Variants in DLG2 observed in about 807,000 individuals in gnomAD.
DLG2 encodes the protein disks large homolog 2.
In DLG2, 45 loss-of-function variants were observed where a neutral mutation model predicts 132.5. That is an observed-to-expected ratio of 0.34 (90% CI 0.27 to 0.44). The LOEUF (loss-of-function observed/expected upper bound fraction) is 0.44, where lower values mean the gene tolerates loss of function less well. Among genes scored for constraint, DLG2 ranks in the 20% least tolerant of loss-of-function variants. The pLI is 1.00. For missense variants in DLG2, 1,045 were observed against 1,196.9 expected (o/e 0.87, Z 1.87); for synonymous variants, 424 against 419.6 (o/e 1.01, Z -0.13).
intron 6 of DLG2, among the ~76,000 whole-genome samples, chr11:84,691,662 T>C (rs1204022770): frequency 6.6e-6 from 1 of 151,678 alleles, no homozygotes; most frequent in African/African-American, 2.4e-5. Context: ...TTAGCTTTTT[T>C]TTTTCTGGCT....
At chr11:84,883,525 AAAAAG>A (rs1313412397) in intron 6 of DLG2, among the ~76,000 whole-genome samples, 1 of 152,090 alleles carries the variant, frequency 6.6e-6, no homozygotes, top group African/African-American at 2.4e-5. Flanking sequence ...AAGACATTAA[AAAAAG>A]AAAATTAAAA....
intron 6 of DLG2, among the ~76,000 whole-genome samples, chr11:84,607,953 C>T (rs2099588705): frequency 6.6e-6 from 1 of 152,152 alleles, no homozygotes; most frequent in African/African-American, 2.4e-5. Flanking sequence ...CAACCAGTCT[C>T]TCTGAACAGC....
chr11:84,166,970 A>G (rs185441195), intron 8 of DLG2: 1 of 533,300 alleles, frequency 1.9e-6, no homozygotes, highest in Non-Finnish European at 3.8e-6. Flanking sequence ...GTCATATTTT[A>G]TGCTACTGAT....
intron 6 of DLG2, among the ~76,000 whole-genome samples, chr11:85,002,887 T>C (rs925913121): frequency 6.6e-6 from 1 of 152,058 alleles, no homozygotes; most frequent in African/African-American, 2.4e-5. Flanking sequence ...AAGACCTTTA[T>C]GATATATTTT....
At chr11:85,578,447 A>G (rs1200851619) in intron 3 of DLG2, among the ~76,000 whole-genome samples, 1 of 152,198 alleles carries the variant, frequency 6.6e-6, no homozygotes, top group African/African-American at 2.4e-5. Context: ...CAACAGAGTG[A>G]ACAGACAACC....
intron 6 of DLG2, among the ~76,000 whole-genome samples, chr11:85,016,460 C>T (rs1337155944): frequency 6.6e-6 from 1 of 152,092 alleles, no homozygotes; most frequent in Non-Finnish European, 1.5e-5. Context: ...AAACTAATGA[C>T]TGTTCATTTG....
intron 6 of DLG2, among the ~76,000 whole-genome samples, chr11:84,970,609 C>T (rs2053974327): frequency 6.6e-6 from 1 of 152,086 alleles, no homozygotes; most frequent in African/African-American, 2.4e-5. Flanking sequence ...GTGAAACACC[C>T]CTCAAAGCCT....
chr11:85,450,678 C>G (rs1431387263), intron 3 of DLG2, among the ~76,000 whole-genome samples: 1 of 152,180 alleles, frequency 6.6e-6, no homozygotes, highest in Non-Finnish European at 1.5e-5. Flanking sequence ...CAACCCCAAT[C>G]TGGGGCTTTT....
rs1473541485 is a variant in DLG2, at chr11:84,619,417, C to T, written c.358-84686G>A. On this transcript the variant is annotated intron_variant, in intron 6 of 27. Coordinates refer to ENST00000376104, the MANE Select transcript of DLG2 (RefSeq NM_001142699.3). ...TTAATTAAAAGAAAATGGCAGAAGT[C>T]AATGTTACATCCCTCTGAAACATTT... is the stretch of plus-strand genomic sequence containing the variant. Among the ~76,000 whole-genome samples, 4 of 151,604 alleles carry T rather than the reference C, an allele frequency of 2.6e-5. No homozygotes were observed. In the East Asian group the frequency reaches 7.7e-4, roughly 29 times the overall value.
At chr11:84,202,709 A>T (rs2096612662) in intron 8 of DLG2, among the ~76,000 whole-genome samples, 1 of 152,186 alleles carries the variant, frequency 6.6e-6, no homozygotes, top group Non-Finnish European at 1.5e-5. Flanking sequence ...ATATTTTTGC[A>T]ATCTATTCAT....
At chr11:84,546,717 C>T in intron 6 of DLG2, 1 of 499,782 alleles carries the variant, frequency 2.0e-6, no homozygotes, top group South Asian at 1.7e-5. Context: ...CATTACCACA[C>T]AGTCCATGAG....
intron 18 of DLG2, among the ~76,000 whole-genome samples, chr11:83,665,075 G>C (rs139290956): frequency 8.4e-4 from 128 of 152,312 alleles, no homozygotes; most frequent in African/African-American, 3.0e-3. Flanking sequence ...AGGGAAGAAA[G>C]AAATAAATAG....
chr11:83,966,257 G>C (rs2090166182), intron 12 of DLG2, among the ~76,000 whole-genome samples: 1 of 151,956 alleles, frequency 6.6e-6, no homozygotes, highest in African/African-American at 2.4e-5. Flanking sequence ...CATTATATGA[G>C]AGCCCTCATT....
intron 6 of DLG2, among the ~76,000 whole-genome samples, chr11:85,099,848 C>T (rs527309491): frequency 7.9e-4 from 120 of 152,270 alleles, no homozygotes; most frequent in African/African-American, 2.8e-3. Context: ...AAGACATTCA[C>T]CTACTTTGTA....
chr11:84,906,381 A>AACACACACACACACAC lies in DLG2; in HGVS notation c.357+205264_357+205279dup, dbSNP rs35833007. ...GTTGTCCATTACCCACAGCAAGGCT[A>AACACACACACACACAC]ACACACACACACACACACACACACA... On this transcript the variant is annotated intron_variant, in intron 6 of 27. Coordinates refer to ENST00000376104, the MANE Select transcript of DLG2 (RefSeq NM_001142699.3). Among the ~76,000 whole-genome samples, 498 of 144,202 alleles carry AACACACACACACACAC rather than the reference A, an allele frequency of 3.5e-3. 2 individuals are homozygous for AACACACACACACACAC. Among genetic ancestry groups the AACACACACACACACAC allele is most frequent in the Middle Eastern group, 0.021 (6 of 280 alleles). 94.6% of individuals were successfully genotyped at this position (144,202 alleles called of 152,430 possible). A position where few individuals can be genotyped will look rare whatever the true frequency, so the allele number is the denominator to read the frequency against.
chr11:85,245,325 C>G (rs923121482), intron 4 of DLG2, among the ~76,000 whole-genome samples: 1 of 151,978 alleles, frequency 6.6e-6, no homozygotes, highest in Non-Finnish European at 1.5e-5. Context: ...GCTCTGCTTA[C>G]AGCCTCCTTC....
At chr11:83,464,527 T>C (rs1280224299) in intron 26 of DLG2, among the ~76,000 whole-genome samples, 2 of 152,262 alleles carry the variant, frequency 1.3e-5, no homozygotes, top group African/African-American at 4.8e-5. Flanking sequence ...TCACCATCAC[T>C]GCACTTGAGA....
rs555703117 is a variant in DLG2 at position 85,468,474 on chromosome 11, C to T, written c.40+130183G>A. On this transcript the variant is annotated intron_variant, in intron 3 of 27. Coordinates refer to ENST00000376104, the MANE Select transcript of DLG2 (RefSeq NM_001142699.3). ...AGTGCTATAGATTTCCCTCTACACACTGCTTTGAATGTGTCCCAGAGATTC... is the reference window on the plus strand; with the variant it reads ...AGTGCTATAGATTTCCCTCTACACATTGCTTTGAATGTGTCCCAGAGATTC... 2.0e-5 allele frequency among the ~76,000 whole-genome samples: 3 copies of T among 152,300 alleles called. No homozygotes were observed. In the South Asian group the frequency reaches 6.2e-4, roughly 32 times the overall value.
intron 3 of DLG2, among the ~76,000 whole-genome samples, chr11:85,595,115 T>A (rs568727182): frequency 6.7e-6 from 1 of 149,786 alleles, no homozygotes; most frequent in African/African-American, 2.4e-5. Flanking sequence ...ATCACCTAAC[T>A]GAAGAACTGA....
Sources: gnomAD v4.1 joint callset for allele counts (sites outside exome capture counted in the v4.1 genomes callset) on GRCh38, gnomAD v4.1.1 for gene constraint, MANE v1.5 for transcripts, NCBI Gene and HGNC (gene_info 2026-07-23, HGNC 2026-07-21) for gene names.